Variants in NAV3 observed in about 807,000 individuals in gnomAD.
The protein encoded by NAV3 is pore membrane and/or filament interacting like protein 1.
A neutral mutation model predicts 244.7 loss-of-function variants in NAV3; 87 were observed. That is an observed-to-expected ratio of 0.36 (90% CI 0.30 to 0.42). NAV3 has a LOEUF of 0.42. Ranked by LOEUF, NAV3 falls within the 20% of genes least tolerant of loss-of-function variation. The pLI, the probability that NAV3 is intolerant of heterozygous loss-of-function variation, is 1.00. For missense variants in NAV3, 2,663 were observed against 2,893.3 expected (o/e 0.92, Z 1.83); for synonymous variants, 1,126 against 1,042.2 (o/e 1.08, Z -1.55).
chr12:78,198,604 G>T lies in NAV3; in HGVS notation c.6447-1G>T. On this transcript the variant is annotated splice_acceptor_variant, in intron 35 of 39. Coordinates refer to ENST00000397909, the MANE Select transcript of NAV3 (RefSeq NM_001024383.2). LOFTEE classifies it high-confidence loss of function. ...AAAATTTTCTATTTATTTTTTTCTAGTCCATATATTATTGGAACAATGAAT... is the reference window on the plus strand; with the variant it reads ...AAAATTTTCTATTTATTTTTTTCTATTCCATATATTATTGGAACAATGAAT... 1 of 1,557,020 alleles carries T rather than the reference G, an allele frequency of 6.4e-7. No homozygotes were observed. The highest frequency in any genetic ancestry group is 1.7e-4 in the Middle Eastern group (1 of 5,884).
intron 2 of NAV3, among the ~76,000 whole-genome samples, chr12:77,577,989 C>T (rs1216020897): frequency 6.6e-6 from 1 of 152,082 alleles, no homozygotes; most frequent in South Asian, 2.1e-4. Flanking sequence ...TACAGAGGGA[C>T]TGACTAATTG....
At chr12:78,199,562 C>G (rs757542318) in intron 37 of NAV3, 31 bp downstream of exon 37, 7 of 1,507,656 alleles carry the variant, frequency 4.6e-6, no homozygotes, top group Non-Finnish European at 6.2e-6. Flanking sequence ...ATGCCATTTT[C>G]CAGGAACTAA....
At chr12:77,801,151 A>G (rs113503993) in intron 2 of NAV3, among the ~76,000 whole-genome samples, 2 of 152,272 alleles carry the variant, frequency 1.3e-5, no homozygotes, top group African/African-American at 4.8e-5. Context: ...GATAAGCTGT[A>G]TCAAAGTGTG....
At chr12:77,634,823 AAAAGG>A (rs758396221) in intron 2 of NAV3, among the ~76,000 whole-genome samples, 44 of 152,166 alleles carry the variant, frequency 2.9e-4, no homozygotes, top group Non-Finnish European at 5.6e-4. Flanking sequence ...ATGAAAGTCT[AAAAGG>A]AAAACAATGA....
intron 2 of NAV3, among the ~76,000 whole-genome samples, chr12:77,727,315 T>C (rs538867373): frequency 6.6e-6 from 1 of 151,992 alleles, no homozygotes; most frequent in South Asian, 2.1e-4. Flanking sequence ...GATAGTTTGT[T>C]GTGGGCTGGA....
chr12:77,873,369 T>A lies in NAV3; in HGVS notation c.243+41665T>A, dbSNP rs867038421. On this transcript the variant is annotated intron_variant, in intron 1 of 39. Transcript: ENST00000397909. ...AATTGATACAGATCTTATTGTTACT[T>A]TGTAACAAATGATGTAACAAATGTG... Among the ~76,000 whole-genome samples the A allele has an allele frequency of 2.6e-4, 40 of 152,184 alleles. No individual in the cohort carries two copies. In the Middle Eastern group the frequency reaches 0.01, roughly 39 times the overall value.
chr12:78,200,918 T>C (rs952744826), intron 38 of NAV3, among the ~76,000 whole-genome samples: 11 of 152,004 alleles, frequency 7.2e-5, no homozygotes, highest in Non-Finnish European at 5.9e-5. Flanking sequence ...CATGTTTACA[T>C]GAGCCTTGAC....
intron 9 of NAV3, among the ~76,000 whole-genome samples, chr12:78,031,376 A>T (rs1261216484): frequency 2.6e-5 from 4 of 152,032 alleles, no homozygotes; most frequent in Non-Finnish European, 5.9e-5. Flanking sequence ...TCTAACTGAA[A>T]TTGATATAAG....
chr12:77,900,344 G>A (rs534560771), intron 1 of NAV3, among the ~76,000 whole-genome samples: 24 of 152,074 alleles, frequency 1.6e-4, no homozygotes, highest in Admixed American at 3.9e-4. Context: ...CCAAAGTGCT[G>A]GGATTACTGG....
intron 12 of NAV3, among the ~76,000 whole-genome samples, chr12:78,096,771 G>A (rs1954274345): frequency 6.6e-6 from 1 of 152,056 alleles, no homozygotes. Flanking sequence ...ATTTGGGTGG[G>A]GATACCGCCA....
At chr12:77,837,232 G>C (rs1233017807) in intron 1 of NAV3, among the ~76,000 whole-genome samples, 1 of 149,290 alleles carries the variant, frequency 6.7e-6, no homozygotes, top group African/African-American at 2.5e-5. Flanking sequence ...AACTTTTAAA[G>C]TTTAAACTTT....
At chr12:78,111,063 A>ATTAGCTCCCACAT (rs1955070088) in intron 12 of NAV3, among the ~76,000 whole-genome samples, 1 of 151,994 alleles carries the variant, frequency 6.6e-6, no homozygotes. Flanking sequence ...GAAGAGAGTT[A>ATTAGCTCCCACAT]AAAAGTGTAA....
intron 9 of NAV3, among the ~76,000 whole-genome samples, chr12:78,032,895 A>G (rs1223018870): frequency 6.6e-6 from 1 of 152,170 alleles, no homozygotes; most frequent in Non-Finnish European, 1.5e-5. Context: ...TTTTTCTTCT[A>G]TAGGTTCACA....
rs2139805807 is a variant in NAV3, at chr12:78,185,680, G to T, written c.5772G>T (p.Lys1924Asn). The T allele has an allele frequency of 1.9e-6, 3 of 1,607,834 alleles. No homozygotes were observed. The highest frequency in any genetic ancestry group is 2.5e-6 in the Non-Finnish European group (3 of 1,176,988). ...TGAAAATTATAGTCTCCATAAGCAA[G>T]GGCTATGGTCGAGCAAAGGTACTTC... is the stretch of plus-strand genomic sequence containing the variant. The part of the protein sequence containing the change: ...RSVKIIVSIS[K>N]GYGRAKDQKS... Residue 1924 changes from lysine (K) to asparagine (N), a missense_variant, in exon 31 of 40, where the codon AAG becomes AAT. Physicochemically the swap from Lys to Asn is moderately conservative, Grantham distance 94 (BLOSUM62 0). Transcript: ENST00000397909.
At chr12:77,960,072 T>C (rs1232716992) in intron 3 of NAV3, among the ~76,000 whole-genome samples, 1 of 151,886 alleles carries the variant, frequency 6.6e-6, no homozygotes, top group Admixed American at 6.6e-5. Flanking sequence ...TGCCTGGCCA[T>C]GGTGTGAGGT....
At chr12:77,621,378 T>C (rs1871363033) in intron 2 of NAV3, among the ~76,000 whole-genome samples, 1 of 152,114 alleles carries the variant, frequency 6.6e-6, no homozygotes, top group Non-Finnish European at 1.5e-5. Context: ...CTGTGACCTC[T>C]GAGTAAAATC....
At chr12:78,166,166 T>C (rs188153515) in intron 23 of NAV3, among the ~76,000 whole-genome samples, 2 of 151,972 alleles carry the variant, frequency 1.3e-5, no homozygotes, top group Non-Finnish European at 2.9e-5. Flanking sequence ...ATTTTCACTT[T>C]TTTTCTGACA....
intron 9 of NAV3, among the ~76,000 whole-genome samples, chr12:78,045,420 C>T (rs1055788429): frequency 2.6e-5 from 4 of 152,060 alleles, no homozygotes; most frequent in African/African-American, 4.8e-5. Flanking sequence ...CTCAGCCTCC[C>T]GAGTAGCTGG....
At chr12:78,175,844 G>C (rs1333673939) in intron 25 of NAV3, among the ~76,000 whole-genome samples, 1 of 151,804 alleles carries the variant, frequency 6.6e-6, no homozygotes, top group Non-Finnish European at 1.5e-5. Context: ...CTTAAAATAG[G>C]GGTTTATTGT....
Sources: allele counts gnomAD v4.1 joint callset (sites outside exome capture counted in the v4.1 genomes callset), GRCh38; gene constraint gnomAD v4.1.1; transcripts MANE v1.5; gene names NCBI Gene and HGNC (gene_info 2026-07-23, HGNC 2026-07-21).